DIAPH2: variants seen among roughly 807,000 people sequenced by gnomAD.
DIAPH2 encodes the protein diaphanous related formin 2.
In DIAPH2, 35 loss-of-function variants were observed where a neutral mutation model predicts 92.7. The observed-to-expected ratio is 0.38, with a 90% CI of 0.29 to 0.50. The LOEUF (loss-of-function observed/expected upper bound fraction) is 0.50. Ranked by LOEUF, DIAPH2 falls within the 20% of genes least tolerant of loss-of-function variation. The pLI is 0.94. For synonymous variants in DIAPH2, 301 were observed against 280.4 expected (o/e 1.07, Z -0.73); for missense variants, 701 against 819.5 (o/e 0.86, Z 1.77).
chrX:97,319,391 CTT>C (rs757762768), intron 23 of DIAPH2, among the ~76,000 whole-genome samples: 12 of 101,394 alleles, frequency 1.2e-4, no homozygotes, highest in Non-Finnish European at 8.1e-5. Context: ...TAAAATTCCC[CTT>C]TTTTTTTTTT....
At chrX:96,941,659 C>G (rs749919100) in intron 12 of DIAPH2, among the ~76,000 whole-genome samples, 59 of 111,230 alleles carry the variant, frequency 5.3e-4, no homozygotes, top group Non-Finnish European at 8.3e-4. Context: ...TGCGTAGAAC[C>G]ATTTCTGTAT....
Position 97,226,855 on chromosome X carries a change from A to G in DIAPH2, c.2720-20860A>G, listed in dbSNP as rs777841026. Reference sequence around the variant, plus strand: ...TACAGTTAATGTATATGTCATAACAATACAGAAAATGTTAATATTAAAATT... The same window carrying G: ...TACAGTTAATGTATATGTCATAACAGTACAGAAAATGTTAATATTAAAATT... On this transcript the variant is annotated intron_variant, in intron 22 of 26. Coordinates refer to ENST00000324765, the MANE Select transcript of DIAPH2 (RefSeq NM_006729.5). 3.6e-5 allele frequency among the ~76,000 whole-genome samples: 4 copies of G among 112,208 alleles called. No individual in the cohort carries two copies. The East Asian group carries it at 1.1e-3, about 31-fold the overall frequency.
chrX:96,740,492 G>T (rs1218293912), intron 3 of DIAPH2, among the ~76,000 whole-genome samples: 1 of 112,211 alleles, frequency 8.9e-6, no homozygotes, highest in Non-Finnish European at 1.9e-5. Flanking sequence ...TTGCAGTATT[G>T]AAATAGTTCT....
intron 26 of DIAPH2, among the ~76,000 whole-genome samples, chrX:97,522,635 A>G (rs763178001): frequency 1.8e-5 from 2 of 112,935 alleles, no homozygotes; most frequent in Non-Finnish European, 3.7e-5. Context: ...TAGGAACTGC[A>G]TTTTACTGAT....
At chrX:97,096,680 T>A (rs921870588) in intron 19 of DIAPH2, among the ~76,000 whole-genome samples, 2 of 111,278 alleles carry the variant, frequency 1.8e-5, no homozygotes, top group Non-Finnish European at 3.8e-5. Flanking sequence ...TTCCCTGCTT[T>A]CCTTTTTAAA....
chrX:97,121,473 T>C (rs768430269), intron 21 of DIAPH2, among the ~76,000 whole-genome samples: 1 of 112,160 alleles, frequency 8.9e-6, no homozygotes, highest in Non-Finnish European at 1.9e-5. Context: ...ATCTCCAGTG[T>C]CTATTATATG....
chrX:97,475,796 C>G (rs979309415), intron 26 of DIAPH2, among the ~76,000 whole-genome samples: 2 of 111,876 alleles, frequency 1.8e-5, no homozygotes, highest in African/African-American at 3.2e-5. Flanking sequence ...AATTATCATG[C>G]TAGCTAAGTA....
At chrX:97,583,346 G>T (rs2147881168) in intron 26 of DIAPH2, among the ~76,000 whole-genome samples, 1 of 108,757 alleles carries the variant, frequency 9.2e-6, no homozygotes, top group South Asian at 4.2e-4. Context: ...GTACAGATGG[G>T]TTTTTGGTGT....
intron 25 of DIAPH2, among the ~76,000 whole-genome samples, chrX:97,391,711 A>G (rs2069661386): frequency 9.0e-6 from 1 of 111,564 alleles, no homozygotes; most frequent in Non-Finnish European, 1.9e-5. Flanking sequence ...AGTAGATGTA[A>G]CTTAGCAAAA....
At chrX:97,000,773 G>C (rs190279136) in intron 17 of DIAPH2, among the ~76,000 whole-genome samples, 2 of 111,817 alleles carry the variant, frequency 1.8e-5, no homozygotes, top group African/African-American at 6.5e-5. Flanking sequence ...TTATCCATCA[G>C]TTCACCATCT....
intron 26 of DIAPH2, among the ~76,000 whole-genome samples, chrX:97,444,459 A>C (rs1006718158): frequency 1.8e-5 from 2 of 111,696 alleles, no homozygotes; most frequent in Admixed American, 9.5e-5. Context: ...TTTTTATTTC[A>C]GTTATAATAC....
At chrX:97,083,205 AT>A (rs1354919403) in intron 19 of DIAPH2, among the ~76,000 whole-genome samples, 1 of 112,145 alleles carries the variant, frequency 8.9e-6, no homozygotes, top group Non-Finnish European at 1.9e-5. Flanking sequence ...ATAATATAAA[AT>A]TTAACATGCT....
At chrX:97,275,426 C>T (rs1368897674) in intron 23 of DIAPH2, among the ~76,000 whole-genome samples, 5 of 106,708 alleles carry the variant, frequency 4.7e-5, no homozygotes, top group African/African-American at 1.7e-4. Flanking sequence ...GGCTGCCCCC[C>T]CTTCACCTCC....
At chrX:97,503,461 C>T (rs1258992323) in intron 26 of DIAPH2, among the ~76,000 whole-genome samples, 1 of 111,931 alleles carries the variant, frequency 8.9e-6, no homozygotes, top group African/African-American at 3.2e-5. Context: ...CTTCATTTTC[C>T]AGAAGAGGAG....
intron 20 of DIAPH2, among the ~76,000 whole-genome samples, chrX:97,110,570 G>C (rs1474444009): frequency 9.0e-6 from 1 of 111,542 alleles, no homozygotes; most frequent in Non-Finnish European, 1.9e-5. Context: ...AAATTCTGCA[G>C]GTTAAAATAT....
At chrX:97,117,725 A>C (rs1374445583) in intron 21 of DIAPH2, among the ~76,000 whole-genome samples, 1 of 112,210 alleles carries the variant, frequency 8.9e-6, no homozygotes, top group Non-Finnish European at 1.9e-5. Context: ...AAAGGAAAAC[A>C]GATGGATTAA....
At chrX:96,779,907 C>CT (rs950933049) in intron 4 of DIAPH2, among the ~76,000 whole-genome samples, 9 of 111,865 alleles carry the variant, frequency 8.0e-5, no homozygotes, top group Middle Eastern at 4.6e-3. Flanking sequence ...TTTTAGAACT[C>CT]TATTTATTTT....
At chrX:97,414,681 G>T (rs752445055) in intron 25 of DIAPH2, among the ~76,000 whole-genome samples, 17 of 107,427 alleles carry the variant, frequency 1.6e-4, no homozygotes, top group Non-Finnish European at 3.1e-4. Flanking sequence ...AGCTGAAACT[G>T]GATCCCTTCC....
chrX:96,812,198 G>GCCTGTTATT (rs746364082), intron 4 of DIAPH2, among the ~76,000 whole-genome samples: 37 of 111,549 alleles, frequency 3.3e-4, no homozygotes, highest in Non-Finnish European at 6.8e-4. Context: ...CAATTTCAGA[G>GCCTGTTATT]CCTGTTATTG....
Sources: allele counts gnomAD v4.1 joint callset (sites outside exome capture counted in the v4.1 genomes callset), GRCh38; gene constraint gnomAD v4.1.1; transcripts MANE v1.5; gene names NCBI Gene and HGNC (gene_info 2026-07-23, HGNC 2026-07-21).